ADAMTS17: variants seen among roughly 807,000 people sequenced by gnomAD.
ADAMTS17 encodes A disintegrin and metalloproteinase with thrombospondin motifs 17.
In ADAMTS17, 113 loss-of-function variants were observed where a neutral mutation model predicts 141.5. The observed-to-expected ratio is 0.80, with a 90% CI of 0.69 to 0.93. The LOEUF (loss-of-function observed/expected upper bound fraction) is 0.93. Among genes scored for constraint, ADAMTS17 ranks in the 40% least tolerant of loss-of-function variants. The pLI, the probability that ADAMTS17 is intolerant of heterozygous loss-of-function variation, is 0.00. For synonymous variants in ADAMTS17, 768 were observed against 630.6 expected, an observed-to-expected ratio of 1.22 and a Z score of -3.27; for missense variants, 1,659 against 1,517.9, an observed-to-expected ratio of 1.09 and a Z score of -1.54.
chr15:100,113,898 C>T (rs531835432), intron 13 of ADAMTS17, among the ~76,000 whole-genome samples: 2 of 152,312 alleles, frequency 1.3e-5, no homozygotes, highest in Admixed American at 6.5e-5. Context: ...CCAAGCTCTC[C>T]GACACTTCAG....
intron 3 of ADAMTS17, among the ~76,000 whole-genome samples, chr15:100,300,908 C>T (rs1179124441): frequency 1.3e-5 from 2 of 152,226 alleles, no homozygotes; most frequent in Non-Finnish European, 2.9e-5. Context: ...CACAATAGCA[C>T]ATTTTTCTTT....
intron 15 of ADAMTS17, among the ~76,000 whole-genome samples, chr15:100,080,446 C>T (rs1254227868): frequency 6.6e-6 from 1 of 152,100 alleles, no homozygotes; most frequent in African/African-American, 2.4e-5. Context: ...TTAGTATCAC[C>T]ATGCCCTGTG....
intron 17 of ADAMTS17, among the ~76,000 whole-genome samples, chr15:100,050,994 G>A (rs1017837811): frequency 1.3e-5 from 2 of 152,214 alleles, no homozygotes; most frequent in African/African-American, 4.8e-5. Flanking sequence ...CTCACCCTGT[G>A]GACCCTGCAG....
chr15:100,056,222 C>A (rs555755584), intron 15 of ADAMTS17, among the ~76,000 whole-genome samples: 2 of 151,860 alleles, frequency 1.3e-5, no homozygotes, highest in African/African-American at 4.8e-5. Context: ...GGTGCATGGA[C>A]GTTCATCATT....
chr15:100,213,524 G>C (rs141202986), intron 7 of ADAMTS17, among the ~76,000 whole-genome samples: 19 of 152,230 alleles, frequency 1.2e-4, no homozygotes, highest in African/African-American at 3.6e-4. Flanking sequence ...GCCAGTGCCC[G>C]TCAGCATGGG....
At chr15:100,295,043 A>G (rs1024142062) in intron 3 of ADAMTS17, among the ~76,000 whole-genome samples, 1 of 152,136 alleles carries the variant, frequency 6.6e-6, no homozygotes, top group Non-Finnish European at 1.5e-5. Flanking sequence ...CACCAAAGTC[A>G]CCACAATTGC....
chr15:100,117,096 G>T (rs1200745573), intron 12 of ADAMTS17, 83 bp from the exon 13 acceptor site: 12 of 1,501,546 alleles, frequency 8.0e-6, no homozygotes, highest in Middle Eastern at 2.3e-4. Context: ...TTGCCAGGGG[G>T]AGGAGAGGAA....
At chr15:100,153,380 C>T (rs1390895752) in intron 9 of ADAMTS17, among the ~76,000 whole-genome samples, 1 of 152,090 alleles carries the variant, frequency 6.6e-6, no homozygotes, top group South Asian at 2.1e-4. Context: ...GGGGCTCACA[C>T]CAGTAATCCC....
At chr15:100,155,698 TTAGAGA>T (rs1424259386) in intron 8 of ADAMTS17, among the ~76,000 whole-genome samples, 1 of 152,256 alleles carries the variant, frequency 6.6e-6, no homozygotes, top group Non-Finnish European at 1.5e-5. Context: ...TTTCTGTTCC[TTAGAGA>T]TAATCACTGT....
At chr15:100,072,441 A>G (rs1430692030) in intron 15 of ADAMTS17, among the ~76,000 whole-genome samples, 2 of 137,814 alleles carry the variant, frequency 1.5e-5, no homozygotes. Context: ...AAGAGCCCGC[A>G]TTGCCAAGTC....
intron 8 of ADAMTS17, among the ~76,000 whole-genome samples, chr15:100,193,847 A>G (rs1331606588): frequency 6.6e-6 from 1 of 152,172 alleles, no homozygotes. Flanking sequence ...ACGGCAGGGG[A>G]AACCCGAGGA....
intron 18 of ADAMTS17, among the ~76,000 whole-genome samples, chr15:100,004,943 A>G (rs2061009592): frequency 6.6e-6 from 1 of 152,118 alleles, no homozygotes; most frequent in African/African-American, 2.4e-5. Context: ...TTTAGTAGAG[A>G]TGGAGTTTTG....
At chr15:100,092,736 C>A (rs1401713847) in intron 15 of ADAMTS17, among the ~76,000 whole-genome samples, 2 of 152,134 alleles carry the variant, frequency 1.3e-5, no homozygotes, top group East Asian at 3.9e-4. Context: ...GATCCTCACC[C>A]CACCCTTTCT....
At chr15:99,980,205 CA>C (rs1262739250) in intron 20 of ADAMTS17, 1 of 152,202 alleles carries the variant, frequency 6.6e-6, no homozygotes, top group East Asian at 1.9e-4. Flanking sequence ...CCTGTAATCC[CA>C]GCTACTTGGG....
At chr15:100,106,771 G>C (rs899742033) in intron 14 of ADAMTS17, among the ~76,000 whole-genome samples, 1 of 152,190 alleles carries the variant, frequency 6.6e-6, no homozygotes, top group South Asian at 2.1e-4. Flanking sequence ...GTGTAATTTG[G>C]GTCGGACACC....
intron 4 of ADAMTS17, among the ~76,000 whole-genome samples, chr15:100,266,523 G>A (rs566073576): frequency 1.2e-3 from 177 of 152,230 alleles, no homozygotes; most frequent in African/African-American, 3.8e-3. Flanking sequence ...GCTTAAGCCC[G>A]TGCAGCAGCT....
At chr15:100,322,071 G>C (rs1037153135) in intron 3 of ADAMTS17, among the ~76,000 whole-genome samples, 46 of 152,070 alleles carry the variant, frequency 3.0e-4, no homozygotes, top group African/African-American at 7.2e-5. Context: ...CTGTAAACTT[G>C]AAAAAAATAC....
intron 10 of ADAMTS17, among the ~76,000 whole-genome samples, chr15:100,152,369 G>A (rs114276930): frequency 2.0e-5 from 3 of 151,968 alleles, no homozygotes; most frequent in African/African-American, 7.3e-5. Context: ...GCCTGCAACT[G>A]CATGTGTAGG....
chr15:100,222,975 G>A lies in ADAMTS17; in HGVS notation c.1076-23552C>T, dbSNP rs141087341. Among the ~76,000 whole-genome samples, 418 of 152,276 alleles carry A rather than the reference G, an allele frequency of 2.7e-3. 2 individuals carry two copies. The highest frequency in any genetic ancestry group is 9.4e-3 in the African/African-American group (392 of 41,550). ...GGTGTTTCCTGGGATTTAATTCTACGAAGAAAGCTAGGCTTTCACATTTCT... is the reference window on the plus strand; with the variant it reads ...GGTGTTTCCTGGGATTTAATTCTACAAAGAAAGCTAGGCTTTCACATTTCT... On this transcript the variant is annotated intron_variant, in intron 7 of 21. Transcript: ENST00000268070.
Sources: allele counts gnomAD v4.1 joint callset (sites outside exome capture counted in the v4.1 genomes callset), GRCh38; gene constraint gnomAD v4.1.1; transcripts MANE v1.5; gene names NCBI Gene and HGNC (gene_info 2026-07-23, HGNC 2026-07-21).